Variants in DNAJC5 observed in about 807,000 individuals in gnomAD.
DNAJC5 encodes the protein dnaJ homolog subfamily C member 5.
DNAJC5 carries 1 observed loss-of-function variant against 23.2 expected under a neutral mutation model. The observed-to-expected ratio is 0.04, with a 90% CI of 0.02 to 0.20. The LOEUF (loss-of-function observed/expected upper bound fraction) is 0.20, where lower values mean the gene tolerates loss of function less well. Ranked by LOEUF, DNAJC5 falls within the 10% of genes least tolerant of loss-of-function variation. The pLI is 1.00. For missense variants in DNAJC5, 180 were observed against 267.0 expected (o/e 0.67, Z 2.27); for synonymous variants, 136 against 120.0 (o/e 1.13, Z -0.87).
intron 1 of DNAJC5, among the ~76,000 whole-genome samples, chr20:63,916,520 C>G (rs1480226026): frequency 1.3e-5 from 2 of 152,160 alleles, no homozygotes. Flanking sequence ...ACAAAGATCA[C>G]AAGGCAAAGG....
At position 63,931,120 on chromosome 20, in the gene DNAJC5, C is replaced by A; in HGVS notation, c.493+98C>A. 1 of 1,290,434 alleles carries A rather than the reference C, an allele frequency of 7.7e-7. No individual in the cohort carries two copies. The highest frequency in any genetic ancestry group is 1.1e-6 in the Non-Finnish European group (1 of 910,514). The allele number at this position is 1,290,434 out of a possible 1,614,324, so 79.9% of individuals were successfully genotyped here. The stretch of plus-strand genomic sequence containing the variant: ...GTCTTGTCAAACAGGAGGGCACTGA[C>A]ACTGTGCCGCGAGTGTTTGTGGTGG... On this transcript the variant is annotated intron_variant, in intron 4 of 4. Coordinates refer to ENST00000360864, the MANE Select transcript of DNAJC5 (RefSeq NM_025219.3). The surrounding 1 kb of genome is among the most constrained non-coding windows in gnomAD (Gnocchi z 9.6).
intron 1 of DNAJC5, among the ~76,000 whole-genome samples, chr20:63,909,996 G>A (rs1600865308): frequency 6.6e-6 from 1 of 152,232 alleles, no homozygotes; most frequent in Non-Finnish European, 1.5e-5. Context: ...ATTTTTGGTT[G>A]TAGTAACGAT....
chr20:63,920,592 C>G lies in DNAJC5; in HGVS notation c.-11-7743C>G, dbSNP rs1342090223. Among the ~76,000 whole-genome samples the G allele has an allele frequency of 6.6e-6, 1 of 152,244 alleles. No homozygotes were observed. Among genetic ancestry groups the G allele is most frequent in the Non-Finnish European group, 1.5e-5 (1 of 68,042 alleles). On this transcript the variant is annotated intron_variant, in intron 1 of 4. Coordinates refer to ENST00000360864, the MANE Select transcript of DNAJC5 (RefSeq NM_025219.3). This position sits in a 1 kb window ranked among gnomAD's most constrained non-coding sequence, Gnocchi z 4.6. ...GTCTGCCTAGGCATGTGTGCGGGCC[C>G]TGGGGCTGCTGCCAGCAGAACGGAC... is the stretch of plus-strand genomic sequence containing the variant.
chr20:63,928,498 A>G lies in DNAJC5; in HGVS notation c.107+46A>G. Reference sequence around the variant, plus strand: ...CCCACATCCCCCCAGGAAGACACACATGCCCCGTGTGGTTTAGTCTGCATT... The same window carrying G: ...CCCACATCCCCCCAGGAAGACACACGTGCCCCGTGTGGTTTAGTCTGCATT... On this transcript the variant is annotated intron_variant, in intron 2 of 4. Transcript: ENST00000360864. The surrounding 1 kb of genome is among the most constrained non-coding windows in gnomAD (Gnocchi z 4.6). 6.7e-7 allele frequency: 1 copy of G among 1,497,996 alleles called. No homozygotes were observed. The highest frequency in any genetic ancestry group is 9.3e-7 in the Non-Finnish European group (1 of 1,074,914). 92.8% of individuals were successfully genotyped at this position (1,497,996 alleles called of 1,614,324 possible).
At position 63,896,871 on chromosome 20, in the gene DNAJC5, T is replaced by A. The variant is rs115790959; in HGVS notation, c.-12+1548T>A. Among the ~76,000 whole-genome samples the A allele has an allele frequency of 4.5e-3, 686 of 152,318 alleles. 3 individuals carry two copies. The highest frequency in any genetic ancestry group is 0.016 in the African/African-American group (655 of 41,558). ...TGAACGTGAGGAGCTTAGCAGCAGC[T>A]GTGCGTGGTGCTGGCCTTGTCACCC... On this transcript the variant is annotated intron_variant, in intron 1 of 4. Coordinates refer to ENST00000360864, the MANE Select transcript of DNAJC5 (RefSeq NM_025219.3).
intron 1 of DNAJC5, among the ~76,000 whole-genome samples, chr20:63,925,759 C>A (rs966755490): frequency 2.3e-5 from 3 of 128,762 alleles, no homozygotes; most frequent in Admixed American, 7.7e-5. Context: ...TATCTCAAAA[C>A]CCCATATTGA....
At chr20:63,918,411 C>G (rs1233076431) in intron 1 of DNAJC5, among the ~76,000 whole-genome samples, 1 of 151,976 alleles carries the variant, frequency 6.6e-6, no homozygotes, top group Non-Finnish European at 1.5e-5. Flanking sequence ...TTTTTAAGCT[C>G]AAAAAATTAA....
intron 1 of DNAJC5, among the ~76,000 whole-genome samples, chr20:63,902,358 CTTTTTT>C (rs34309020): frequency 1.2e-5 from 1 of 83,328 alleles, no homozygotes; most frequent in Non-Finnish European, 2.2e-5. Context: ...CTGGCCTCAT[CTTTTTT>C]TTTTTTTTTT....
At chr20:63,921,602 AAAAG>A (rs1419205840) in intron 1 of DNAJC5, among the ~76,000 whole-genome samples, 1 of 151,916 alleles carries the variant, frequency 6.6e-6, no homozygotes, top group Non-Finnish European at 1.5e-5. Flanking sequence ...AAAAAAAAAA[AAAAG>A]AGTTCTGACT....
intron 1 of DNAJC5, among the ~76,000 whole-genome samples, chr20:63,927,750 T>C (rs1185724339): frequency 6.6e-6 from 1 of 152,222 alleles, no homozygotes; most frequent in Non-Finnish European, 1.5e-5. Flanking sequence ...ATTGGAGTTT[T>C]TTGTCCACTA....
chr20:63,914,969 G>GT (rs1325175494), intron 1 of DNAJC5, among the ~76,000 whole-genome samples: 1 of 152,170 alleles, frequency 6.6e-6, no homozygotes, highest in African/African-American at 2.4e-5. Context: ...AATTTCAGAG[G>GT]TTTTTAAATA....
chr20:63,909,258 G>C (rs2053466466), intron 1 of DNAJC5: 1 of 152,150 alleles, frequency 6.6e-6, no homozygotes, highest in South Asian at 2.1e-4. Flanking sequence ...GGTGAAAATT[G>C]GGAGGCCGAG....
intron 1 of DNAJC5, among the ~76,000 whole-genome samples, chr20:63,902,762 G>A (rs1374102266): frequency 6.9e-6 from 1 of 145,488 alleles, no homozygotes; most frequent in Non-Finnish European, 1.5e-5. Flanking sequence ...TGCAAGCTCT[G>A]CCACCTGGGT....
chr20:63,895,194 TGCCGCCGCCGCC>T lies in DNAJC5; in HGVS notation c.-131_-120del, dbSNP rs531246320. The T allele has an allele frequency of 1.1e-4, 17 of 153,604 alleles. No individual in the cohort carries two copies. Among genetic ancestry groups the T allele is most frequent in the African/African-American group, 3.6e-4 (15 of 41,102 alleles). The allele number at this position is 153,604 out of a possible 1,614,324, so 9.5% of individuals were successfully genotyped here. A position where few individuals can be genotyped will look rare whatever the true frequency, so the allele number is the denominator to read the frequency against. ...CTGCCGGTGCCGCACCCGCGCCCTCTGCCGCCGCCGCCGCCGCCGCCCGGGGTCTCCAGGCTG... is the reference window on the plus strand; with the variant it reads ...CTGCCGGTGCCGCACCCGCGCCCTCTGCCGCCGCCCGGGGTCTCCAGGCTG... On this transcript the variant is annotated 5_prime_UTR_variant, in exon 1 of 5. Coordinates refer to ENST00000360864, the MANE Select transcript of DNAJC5 (RefSeq NM_025219.3).
At chr20:63,900,668 T>G (rs1035235176) in intron 1 of DNAJC5, among the ~76,000 whole-genome samples, 1 of 152,110 alleles carries the variant, frequency 6.6e-6, no homozygotes, top group Non-Finnish European at 1.5e-5. Context: ...TTAACTTTGT[T>G]GCAACATCAT....
rs952516418 is a variant in DNAJC5 at position 63,933,721 on chromosome 20, C to T, written c.*2153C>T. ...GCTTAGGACGTGAGTTATTTTTCCG[C>T]AGACTGGCCAAGAGCCAGGTTCTAA... is the stretch of plus-strand genomic sequence containing the variant. On this transcript the variant is annotated 3_prime_UTR_variant, in exon 5 of 5. Transcript: ENST00000360864. 1 of 152,370 alleles carries T rather than the reference C, an allele frequency of 6.6e-6. No homozygotes were observed. The highest frequency in any genetic ancestry group is 2.4e-5 in the African/African-American group (1 of 41,462). The allele number at this position is 152,370 out of a possible 1,614,324, so 9.4% of individuals were successfully genotyped here.
At chr20:63,923,625 T>C (rs2053588880) in intron 1 of DNAJC5, among the ~76,000 whole-genome samples, 1 of 151,780 alleles carries the variant, frequency 6.6e-6, no homozygotes, top group Non-Finnish European at 1.5e-5. Context: ...CTCAGGAGGC[T>C]GAGGTGGGGG....
chr20:63,912,428 GT>G lies in DNAJC5; in HGVS notation c.-11-15899del, dbSNP rs1016088663. Among the ~76,000 whole-genome samples, 11 of 151,760 alleles carry G rather than the reference GT, an allele frequency of 7.2e-5. No individual in the cohort carries two copies. The East Asian group carries it at 1.5e-3, about 21-fold the overall frequency. On this transcript the variant is annotated intron_variant, in intron 1 of 4. Coordinates refer to ENST00000360864, the MANE Select transcript of DNAJC5 (RefSeq NM_025219.3). ...CAAATGTATTTACAGAGTTAATTGG[GT>G]TTTTTTTGGAATAGATAATATCTAT...
In DNAJC5 at chr20:63,929,935, C is replaced by T. The variant is rs895601349; in HGVS notation, c.321+410C>T. 7.2e-5 allele frequency among the ~76,000 whole-genome samples: 11 copies of T among 152,120 alleles called. No homozygotes were observed. Among genetic ancestry groups the T allele is most frequent in the Admixed American group, 4.6e-4 (7 of 15,276 alleles). On this transcript the variant is annotated intron_variant, in intron 3 of 4. Coordinates refer to ENST00000360864, the MANE Select transcript of DNAJC5 (RefSeq NM_025219.3). This position sits in a 1 kb window ranked among gnomAD's most constrained non-coding sequence, Gnocchi z 8.6. ...GTGTCCTGCCTGGAACAAGCCATAGCGTACAGATTGTCCCAGGGAAGAGCC... is the reference window on the plus strand; with the variant it reads ...GTGTCCTGCCTGGAACAAGCCATAGTGTACAGATTGTCCCAGGGAAGAGCC...
Sources: allele counts gnomAD v4.1 joint callset (sites outside exome capture counted in the v4.1 genomes callset), GRCh38; gene constraint gnomAD v4.1.1; non-coding constraint Gnocchi (gnomAD v3.1); transcripts MANE v1.5; gene names NCBI Gene and HGNC (gene_info 2026-07-23, HGNC 2026-07-21).